ELMOD1: variants seen among roughly 807,000 people sequenced by gnomAD.
The protein encoded by ELMOD1 is ELMO domain-containing protein 1.
A neutral mutation model predicts 46.7 loss-of-function variants in ELMOD1; 21 were observed. The ratio of observed to expected loss-of-function variants is 0.45; its 90% CI spans 0.32 to 0.65. The LOEUF (loss-of-function observed/expected upper bound fraction) is 0.65, where lower values mean the gene tolerates loss of function less well. Ranked by LOEUF, ELMOD1 falls within the 30% of genes least tolerant of loss-of-function variation. The pLI, the probability that ELMOD1 is intolerant of heterozygous loss-of-function variation, is 0.04. For synonymous variants in ELMOD1, 122 were observed against 138.2 expected, an observed-to-expected ratio of 0.88 and a Z score of 0.82; for missense variants, 348 against 407.8, an observed-to-expected ratio of 0.85 and a Z score of 1.26.
intron 1 of ELMOD1, among the ~76,000 whole-genome samples, chr11:107,608,703 T>C (rs930450037): frequency 1.3e-5 from 2 of 152,188 alleles, no homozygotes; most frequent in Non-Finnish European, 2.9e-5. Flanking sequence ...AATTTTCTGG[T>C]TTAGAAACTT....
chr11:107,658,271 G>C, intron 11 of ELMOD1, among the ~76,000 whole-genome samples: 1 of 152,184 alleles, frequency 6.6e-6, no homozygotes, highest in African/African-American at 2.4e-5. Flanking sequence ...TTTGTAACAA[G>C]ACTTGTTAAA....
chr11:107,659,308 G>A (rs2135717412), intron 11 of ELMOD1, among the ~76,000 whole-genome samples: 1 of 152,196 alleles, frequency 6.6e-6, no homozygotes. Flanking sequence ...ATGCTCATTA[G>A]AGAAATCAGG....
At chr11:107,605,914 T>C (rs1865677239) in intron 1 of ELMOD1, among the ~76,000 whole-genome samples, 1 of 152,246 alleles carries the variant, frequency 6.6e-6, no homozygotes. Context: ...TTCATTTGTA[T>C]GTGATGGTAA....
chr11:107,597,682 A>G (rs754109062), intron 1 of ELMOD1, among the ~76,000 whole-genome samples: 2 of 148,950 alleles, frequency 1.3e-5, no homozygotes, highest in South Asian at 2.1e-4. Flanking sequence ...ATTGTACATC[A>G]TTTCTTTGAC....
intron 1 of ELMOD1, among the ~76,000 whole-genome samples, chr11:107,607,121 G>T (rs1448963583): frequency 6.6e-6 from 1 of 152,166 alleles, no homozygotes; most frequent in Non-Finnish European, 1.5e-5. Context: ...GGTGGAAAAA[G>T]AGAAGCCTGT....
rs57135460 is a variant in ELMOD1, at chr11:107,615,985, C to CTTTT, written c.-85-2095_-85-2092dup. Among the ~76,000 whole-genome samples the CTTTT allele has an allele frequency of 3.6e-4, 27 of 74,056 alleles. 2 individuals carry two copies. The highest frequency in any genetic ancestry group is 1.4e-3 in the African/African-American group (25 of 18,020). The allele number at this position is 74,056 out of a possible 152,430, so 48.6% of individuals were successfully genotyped here. On this transcript the variant is annotated intron_variant, in intron 1 of 11. Transcript: ENST00000265840. ...TGAGGCAGTGTTTGTCAGGTTTTTC[C>CTTTT]TTTTTTTTTTTTTTTTTTTTTTTTT...
At chr11:107,662,598 G>A (rs558315929) in intron 11 of ELMOD1, among the ~76,000 whole-genome samples, 7 of 142,182 alleles carry the variant, frequency 4.9e-5, no homozygotes, top group East Asian at 4.3e-4. Context: ...CAACAAGAGC[G>A]AAACTCTGTC....
chr11:107,631,217 C>A (rs1866129875), intron 4 of ELMOD1, among the ~76,000 whole-genome samples: 1 of 151,946 alleles, frequency 6.6e-6, no homozygotes, highest in Admixed American at 6.6e-5. Flanking sequence ...AGACTATCTC[C>A]CTCATGTGCC....
intron 1 of ELMOD1, among the ~76,000 whole-genome samples, chr11:107,599,819 G>A (rs1865565937): frequency 6.7e-6 from 1 of 149,932 alleles, no homozygotes; most frequent in Non-Finnish European, 1.5e-5. Flanking sequence ...CCAGACTAGA[G>A]GATTCAAAAA....
intron 6 of ELMOD1, among the ~76,000 whole-genome samples, chr11:107,640,851 A>G (rs959881829): frequency 6.6e-6 from 1 of 152,210 alleles, no homozygotes; most frequent in African/African-American, 2.4e-5. Flanking sequence ...GAATTATAAC[A>G]AAGTCCAGCA....
intron 11 of ELMOD1, among the ~76,000 whole-genome samples, chr11:107,658,145 T>C (rs373918629): frequency 1.3e-5 from 2 of 152,314 alleles, no homozygotes; most frequent in East Asian, 3.9e-4. Flanking sequence ...ATTAGAGCTA[T>C]GAAGATCAAT....
chr11:107,603,628 G>A (rs1478966359), intron 1 of ELMOD1, among the ~76,000 whole-genome samples: 1 of 151,420 alleles, frequency 6.6e-6, no homozygotes, highest in Non-Finnish European at 1.5e-5. Context: ...AGAGGAACTG[G>A]GCACCTCTAA....
At chr11:107,628,330 C>G (rs201105854) in intron 2 of ELMOD1, among the ~76,000 whole-genome samples, 1 of 152,036 alleles carries the variant, frequency 6.6e-6, no homozygotes, top group South Asian at 2.1e-4. Flanking sequence ...CCACGCCCAG[C>G]TAATTTTTGT....
chr11:107,605,815 CAG>C (rs1565370564), intron 1 of ELMOD1, among the ~76,000 whole-genome samples: 1 of 152,184 alleles, frequency 6.6e-6, no homozygotes, highest in Non-Finnish European at 1.5e-5. Flanking sequence ...AATGTGGCCT[CAG>C]GGAGATCTTT....
intron 1 of ELMOD1, chr11:107,592,077 G>A: frequency 2.4e-6 from 1 of 425,438 alleles, no homozygotes; most frequent in Non-Finnish European, 4.9e-6. Flanking sequence ...GTGGAGTGTG[G>A]TGGTGGGGTG....
At chr11:107,610,964 A>G (rs977777521) in intron 1 of ELMOD1, among the ~76,000 whole-genome samples, 2 of 146,980 alleles carry the variant, frequency 1.4e-5, no homozygotes, top group Non-Finnish European at 3.0e-5. Flanking sequence ...GATGGATTAA[A>G]GATTTAAATG....
At chr11:107,629,778 G>C (rs138647162) in intron 2 of ELMOD1, among the ~76,000 whole-genome samples, 2 of 152,262 alleles carry the variant, frequency 1.3e-5, no homozygotes, top group East Asian at 3.9e-4. Context: ...AAAGGTCAAG[G>C]GTGCTTGTTC....
chr11:107,610,859 T>C (rs1024576663), intron 1 of ELMOD1, among the ~76,000 whole-genome samples: 1 of 151,872 alleles, frequency 6.6e-6, no homozygotes, highest in Admixed American at 6.6e-5. Context: ...GAAAGGGCTC[T>C]GTATTCCATA....
intron 1 of ELMOD1, among the ~76,000 whole-genome samples, chr11:107,597,308 G>A (rs1865508356): frequency 6.6e-6 from 1 of 152,168 alleles, no homozygotes; most frequent in South Asian, 2.1e-4. Context: ...CACTTGCTAA[G>A]GACATAGTGT....
Sources: gnomAD v4.1 joint callset for allele counts (sites outside exome capture counted in the v4.1 genomes callset) on GRCh38, gnomAD v4.1.1 for gene constraint, MANE v1.5 for transcripts, NCBI Gene and HGNC (gene_info 2026-07-23, HGNC 2026-07-21) for gene names.